LMF1: variants seen among roughly 807,000 people sequenced by gnomAD.
LMF1 encodes transmembrane protein 112.
A neutral mutation model predicts 60.6 loss-of-function variants in LMF1; 68 were observed. That is an observed-to-expected ratio of 1.12 (90% CI 0.92 to 1.37). The LOEUF (loss-of-function observed/expected upper bound fraction) is 1.37. Ranked by LOEUF, LMF1 falls within the 40% of genes most tolerant of loss-of-function variation. LMF1 has a pLI of 0.00. For synonymous variants in LMF1, 418 were observed against 324.7 expected (o/e 1.29, Z -3.09); for missense variants, 948 against 767.2 (o/e 1.24, Z -2.78).
intron 10 of LMF1, among the ~76,000 whole-genome samples, chr16:858,693 A>T (rs139619839): frequency 0.031 from 267 of 8,492 alleles, 1 homozygote; most frequent in Admixed American, 0.047. Flanking sequence ...GAGTGGTGTC[A>T]CGGGACGGGT....
intron 5 of LMF1, among the ~76,000 whole-genome samples, chr16:891,888 C>A (rs938305295): frequency 9.2e-5 from 14 of 152,224 alleles, no homozygotes; most frequent in Non-Finnish European, 1.8e-4. Context: ...GACCATCCAG[C>A]CAAAGAGCTG....
intron 5 of LMF1, chr16:884,814 G>A (rs2070260198): frequency 6.9e-6 from 1 of 145,976 alleles, no homozygotes; most frequent in Non-Finnish European, 1.5e-5. Context: ...GATCACGGAT[G>A]GAAGCCTGGA....
At chr16:952,205 A>C (rs1399493200) in intron 2 of LMF1, among the ~76,000 whole-genome samples, 2 of 152,250 alleles carry the variant, frequency 1.3e-5, no homozygotes, top group Admixed American at 1.3e-4. Context: ...AGACCTGAGG[A>C]AACACCAGCA....
intron 1 of LMF1, among the ~76,000 whole-genome samples, chr16:963,632 A>G (rs1327901606): frequency 6.6e-6 from 1 of 152,100 alleles, no homozygotes; most frequent in Non-Finnish European, 1.5e-5. Flanking sequence ...CATTGGTGCT[A>G]GGCTGGGGCC....
intron 4 of LMF1, chr16:893,372 A>C (rs1209235214): frequency 1.9e-6 from 1 of 520,526 alleles, no homozygotes. Flanking sequence ...CACGCTACAG[A>C]AGTTGCGTGT....
Position 970,863 on chromosome 16 carries a change from A to T in LMF1, c.118T>A (p.Ser40Thr). 6 of 1,563,120 alleles carry T rather than the reference A, an allele frequency of 3.8e-6. No individual in the cohort carries two copies. The highest frequency in any genetic ancestry group is 4.3e-6 in the Non-Finnish European group (5 of 1,156,122). ...GTGCCCGTGTGGAGATGGGCCGGAG[A>T]GCCTGCGGGGCCACGCCCCGGCGCG... is the stretch of plus-strand genomic sequence containing the variant. ...PPAPGRGPAG[S>T]PAHLHTGTFW... The change falls in exon 1 of 11, where the codon TCT (serine) becomes ACT (threonine). Residue 40 changes from serine (S) to threonine (T), a missense_variant. Transcript: ENST00000262301.
At chr16:952,880 T>C in intron 2 of LMF1, among the ~76,000 whole-genome samples, 1 of 132,356 alleles carries the variant, frequency 7.6e-6, no homozygotes, top group African/African-American at 2.9e-5. Flanking sequence ...CTCCTACACA[T>C]CCACACAGAC....
At chr16:978,782 C>G (rs1352523476) in intron 1 of LMF1, among the ~76,000 whole-genome samples, 1 of 152,070 alleles carries the variant, frequency 6.6e-6, no homozygotes, top group Non-Finnish European at 1.5e-5. Flanking sequence ...CAGCTCCCCC[C>G]TGGATGAAGA....
intron 5 of LMF1, among the ~76,000 whole-genome samples, chr16:884,661 T>C (rs1352765387): frequency 6.6e-6 from 1 of 151,854 alleles, no homozygotes; most frequent in African/African-American, 2.4e-5. Flanking sequence ...TGATCACGGA[T>C]GGAAGCCTAG....
At chr16:967,740 C>T (rs1037062206) in intron 1 of LMF1, among the ~76,000 whole-genome samples, 7 of 152,200 alleles carry the variant, frequency 4.6e-5, no homozygotes, top group African/African-American at 1.4e-4. Context: ...AACCGGGTGT[C>T]CAGGATACGC....
rs537111742 is a variant in LMF1, at chr16:887,883, G to C, written c.729+5124C>G. ...TGGGAGCCCAGAGACGCACCCCCAAGTTGCAGGCTGCCGGCCACAGGCTGG... is the reference window on the plus strand; with the variant it reads ...TGGGAGCCCAGAGACGCACCCCCAACTTGCAGGCTGCCGGCCACAGGCTGG... On this transcript the variant is annotated intron_variant, in intron 5 of 10. Transcript: ENST00000262301. Among the ~76,000 whole-genome samples the C allele has an allele frequency of 5.9e-5, 9 of 152,304 alleles. No individual in the cohort carries two copies. The South Asian group carries it at 1.9e-3, about 32-fold the overall frequency.
Position 871,225 on chromosome 16 carries a change from G to T in LMF1, c.1014C>A (p.Ser338Arg). The T allele has an allele frequency of 6.2e-7, 1 of 1,611,892 alleles. No individual in the cohort carries two copies. The highest frequency in any genetic ancestry group is 8.5e-7 in the Non-Finnish European group (1 of 1,179,574). Residue 338 changes from serine to arginine, a missense_variant, in exon 7 of 11, where the codon AGC becomes AGA. Ser to Arg is a moderately radical substitution (Grantham distance 110). Transcript: ENST00000262301. ...GCATCTGCAGAACTCGGTCCTTCAG[G>T]CTGCCTGGCCCAGAGGGGAACAAGA... ...LGFLFPSGPG[S>R]LKDRVLQMQR...
chr16:871,653 C>A (rs370939022), intron 6 of LMF1: 2 of 333,972 alleles, frequency 6.0e-6, no homozygotes, highest in African/African-American at 4.3e-5. Context: ...AGACCCTGTG[C>A]CCTCCTGGAA....
chr16:870,747 G>A lies in LMF1; in HGVS notation c.1214C>T (p.Thr405Ile). ...CTCATACCTTCCGAAGGCCCCGTAAGTGTTGACGATGTGAAGAGAGTTGAA... is the reference window on the plus strand; with the variant it reads ...CTCATACCTTCCGAAGGCCCCGTAAATGTTGACGATGTGAAGAGAGTTGAA... ...THFNSLHIVN[T>I]YGAFGSITKE... Residue 405 changes from threonine (T) to isoleucine (I), a missense_variant, in exon 8 of 11, where the codon ACT (threonine) becomes ATT (isoleucine). Coordinates refer to ENST00000262301, the MANE Select transcript of LMF1 (RefSeq NM_022773.4). 1.2e-6 allele frequency: 2 copies of A among 1,613,012 alleles called. No individual in the cohort carries two copies. Among genetic ancestry groups the A allele is most frequent in the South Asian group, 2.2e-5 (2 of 91,082 alleles).
At chr16:938,713 C>T (rs891301914) in intron 2 of LMF1, among the ~76,000 whole-genome samples, 25 of 152,198 alleles carry the variant, frequency 1.6e-4, no homozygotes, top group African/African-American at 5.5e-4. Context: ...TGTGTGGCTC[C>T]CACGGACAGA....
At chr16:875,526 G>T (rs1048971969) in intron 6 of LMF1, among the ~76,000 whole-genome samples, 2 of 152,158 alleles carry the variant, frequency 1.3e-5, no homozygotes, top group African/African-American at 4.8e-5. Context: ...TCAGCACCTT[G>T]CTTTTCATGA....
At chr16:871,702 G>A (rs532040603) in intron 6 of LMF1, 8 of 228,940 alleles carry the variant, frequency 3.5e-5, no homozygotes, top group African/African-American at 1.1e-4. Flanking sequence ...GGTCATGCCC[G>A]GGGAAGGCTG....
At chr16:871,421 A>C in intron 6 of LMF1, 80 bp from the exon 7 acceptor site, 179 of 1,227,580 alleles carry the variant, frequency 1.5e-4, no homozygotes, top group Middle Eastern at 2.7e-4. Context: ...TTCCTGGAGC[A>C]GGGAGGGGGG....
intron 4 of LMF1, among the ~76,000 whole-genome samples, chr16:895,416 C>A (rs912292271): frequency 3.3e-5 from 5 of 152,226 alleles, no homozygotes; most frequent in Non-Finnish European, 7.4e-5. Flanking sequence ...GCCAGCCAGG[C>A]CAACAGAAAA....
Sources: gnomAD v4.1 joint callset for allele counts (sites outside exome capture counted in the v4.1 genomes callset) on GRCh38, gnomAD v4.1.1 for gene constraint, MANE v1.5 for transcripts, NCBI Gene and HGNC (gene_info 2026-07-23, HGNC 2026-07-21) for gene names.